The following DMD variants were observed in gnomAD, a reference collection of about 807,000 sequenced individuals.
DMD encodes the protein dystrophin, also known as mutant dystrophin.
In DMD, 63 loss-of-function variants were observed where a neutral mutation model predicts 330.1. That is an observed-to-expected ratio of 0.19 (90% CI 0.16 to 0.24). DMD has a LOEUF of 0.24. Among genes scored for constraint, DMD ranks in the 10% least tolerant of loss-of-function variants. The pLI, the probability that DMD is intolerant of heterozygous loss-of-function variation, is 1.00. For missense variants in DMD, 3,344 were observed against 2,684.1 expected (o/e 1.25, Z -5.43); for synonymous variants, 1,223 against 959.8 (o/e 1.27, Z -5.07).
chrX:32,130,954 G>A (rs1030323866), intron 44 of DMD, among the ~76,000 whole-genome samples: 1 of 111,989 alleles, frequency 8.9e-6, no homozygotes, highest in African/African-American at 3.2e-5. Flanking sequence ...GGAGGCCGTG[G>A]AGGGCAGATC....
At chrX:32,038,207 A>T (rs1328880416) in intron 44 of DMD, among the ~76,000 whole-genome samples, 1 of 111,882 alleles carries the variant, frequency 8.9e-6, no homozygotes, top group Non-Finnish European at 1.9e-5. Context: ...TAGAAAACTC[A>T]AAAGGGACAT....
At chrX:33,156,608 TAGA>T (rs1331369633) in intron 1 of DMD, among the ~76,000 whole-genome samples, 15 of 111,788 alleles carry the variant, frequency 1.3e-4, no homozygotes, top group African/African-American at 4.9e-4. Context: ...TAAAACAAAG[TAGA>T]AGGAGGAAAG....
At chrX:31,439,019 T>C (rs2064743594) in intron 60 of DMD, among the ~76,000 whole-genome samples, 1 of 111,647 alleles carries the variant, frequency 9.0e-6, no homozygotes, top group African/African-American at 3.2e-5. Context: ...TAGCTAACTA[T>C]GATCCCATCA....
chrX:33,234,600 A>G (rs1267528371), intron 1 of DMD, among the ~76,000 whole-genome samples: 5 of 111,674 alleles, frequency 4.5e-5, no homozygotes, highest in African/African-American at 1.6e-4. Context: ...CAGAAATGAT[A>G]AAATATGAAA....
intron 47 of DMD, among the ~76,000 whole-genome samples, chrX:31,924,615 G>A (rs1289299871): frequency 1.8e-5 from 2 of 111,368 alleles, no homozygotes; most frequent in African/African-American, 6.5e-5. Flanking sequence ...AATAATACCT[G>A]TATTATTATC....
chrX:32,908,056 T>C (rs756008091), intron 2 of DMD, among the ~76,000 whole-genome samples: 6 of 111,681 alleles, frequency 5.4e-5, no homozygotes, highest in Non-Finnish European at 9.4e-5. Context: ...TGCTAACTTT[T>C]TGAAAGGAGA....
chrX:32,616,908 C>A (rs946086992), intron 11 of DMD, among the ~76,000 whole-genome samples: 1 of 109,059 alleles, frequency 9.2e-6, no homozygotes, highest in Non-Finnish European at 1.9e-5. Context: ...TCTCTCTCCA[C>A]CTTGTGACTT....
chrX:33,066,383 A>C (rs1278985150), intron 1 of DMD, among the ~76,000 whole-genome samples: 1 of 95,684 alleles, frequency 1.0e-5, no homozygotes, highest in Non-Finnish European at 2.0e-5. Context: ...TGGGAGGCAG[A>C]GGTTGCAGTG....
At chrX:32,733,104 G>C (rs1384832967) in intron 7 of DMD, among the ~76,000 whole-genome samples, 1 of 107,480 alleles carries the variant, frequency 9.3e-6, no homozygotes, top group Non-Finnish European at 1.9e-5. Context: ...AAAGGCAGGG[G>C]TTGCAATCCT....
intron 2 of DMD, among the ~76,000 whole-genome samples, chrX:32,972,970 A>T (rs189956705): frequency 1.6e-3 from 178 of 111,900 alleles, no homozygotes; most frequent in African/African-American, 5.4e-3. Flanking sequence ...ACCAGAGTTC[A>T]CCACCTTTGT....
At chrX:32,454,502 T>C (rs2098347326) in intron 26 of DMD, among the ~76,000 whole-genome samples, 160 bp downstream of exon 26, 3 of 111,139 alleles carry the variant, frequency 2.7e-5, no homozygotes, top group Admixed American at 1.9e-4. Context: ...TTAAAATGTA[T>C]ATTAAACTTG....
chrX:32,673,215 A>T (rs2061741999), intron 9 of DMD, among the ~76,000 whole-genome samples: 1 of 111,049 alleles, frequency 9.0e-6, no homozygotes, highest in Non-Finnish European at 1.9e-5. Flanking sequence ...TTATGAGAAG[A>T]CAAGGATGAT....
intron 55 of DMD, among the ~76,000 whole-genome samples, chrX:31,567,825 A>G (rs771284515): frequency 9.0e-6 from 1 of 111,239 alleles, no homozygotes; most frequent in African/African-American, 3.3e-5. Context: ...CCACAGAGTA[A>G]TCCCAAAGAA....
intron 55 of DMD, among the ~76,000 whole-genome samples, chrX:31,522,363 C>CTCTCTCTCTCTCTCTA: frequency 1.2e-3 from 43 of 35,962 alleles, no homozygotes; most frequent in Non-Finnish European, 1.6e-3. Flanking sequence ...CTCTCTCTCT[C>CTCTCTCTCTCTCTCTA]TATATATATA....
intron 49 of DMD, among the ~76,000 whole-genome samples, chrX:31,833,530 C>G (rs2093123777): frequency 9.0e-6 from 1 of 111,419 alleles, no homozygotes; most frequent in African/African-American, 3.3e-5. Flanking sequence ...TGTATTTGAC[C>G]TTTTACAGGA....
intron 60 of DMD, among the ~76,000 whole-genome samples, chrX:31,352,399 G>T (rs2733471): frequency 0.44 from 47,801 of 109,802 alleles, 7,589 homozygotes; most frequent in East Asian, 0.63. Flanking sequence ...AGAAATCTTT[G>T]CACATACTGA....
At chrX:31,530,522 A>T (rs2073658890) in intron 55 of DMD, among the ~76,000 whole-genome samples, 1 of 110,080 alleles carries the variant, frequency 9.1e-6, no homozygotes, top group East Asian at 2.8e-4. Context: ...AAATGATTGG[A>T]TACATTAATA....
chrX:32,993,730 G>T (rs1185175811), intron 2 of DMD, among the ~76,000 whole-genome samples: 3 of 110,921 alleles, frequency 2.7e-5, no homozygotes, highest in Non-Finnish European at 5.7e-5. Flanking sequence ...GTTTTGGGGG[G>T]TACTGGATCA....
intron 41 of DMD, among the ~76,000 whole-genome samples, chrX:32,337,766 T>C (rs1000312099): frequency 5.4e-5 from 6 of 111,160 alleles, no homozygotes; most frequent in South Asian, 3.7e-4. Context: ...GTCTTCTATT[T>C]GATTTCTCTC....
Sources: allele counts gnomAD v4.1 joint callset (sites outside exome capture counted in the v4.1 genomes callset), GRCh38; gene constraint gnomAD v4.1.1; transcripts MANE v1.5; gene names NCBI Gene and HGNC (gene_info 2026-07-23, HGNC 2026-07-21).